LYN: variants seen among roughly 807,000 people sequenced by gnomAD.
The protein encoded by LYN is LYN proto-oncogene, Src family tyrosine kinase, also known as tyrosine-protein kinase Lyn.
In LYN, 12 loss-of-function variants were observed where a neutral mutation model predicts 65.0. That is an observed-to-expected ratio of 0.18 (90% CI 0.12 to 0.30). The LOEUF is 0.30. Among genes scored for constraint, LYN ranks in the 10% least tolerant of loss-of-function variants. The pLI is 1.00. For missense variants in LYN, 380 were observed against 623.2 expected, an observed-to-expected ratio of 0.61 and a Z score of 4.16; for synonymous variants, 222 against 221.2, an observed-to-expected ratio of 1.00 and a Z score of -0.03.
chr8:56,008,526 A>T (rs1808735420), intron 12 of LYN, among the ~76,000 whole-genome samples: 2 of 152,254 alleles, frequency 1.3e-5, no homozygotes, highest in African/African-American at 4.8e-5. Flanking sequence ...GTGTGGATAG[A>T]TACTGCTAGA....
At chr8:55,905,272 C>T (rs755200531) in intron 1 of LYN, among the ~76,000 whole-genome samples, 13 of 151,976 alleles carry the variant, frequency 8.6e-5, no homozygotes, top group East Asian at 3.9e-4. Context: ...ATTAGCCAGG[C>T]GTGGTGGCAG....
chr8:55,920,009 C>T (rs1408604304), intron 1 of LYN, among the ~76,000 whole-genome samples: 1 of 152,218 alleles, frequency 6.6e-6, no homozygotes, highest in Non-Finnish European at 1.5e-5. Flanking sequence ...CAGAATTCCT[C>T]ATTTTTTACT....
intron 8 of LYN, among the ~76,000 whole-genome samples, chr8:55,958,531 G>A (rs139173403): frequency 2.0e-5 from 3 of 152,022 alleles, no homozygotes; most frequent in African/African-American, 7.2e-5. Flanking sequence ...GTTCAGTAGT[G>A]TTAAATGCAT....
At chr8:56,001,575 C>T (rs1449805456) in intron 12 of LYN, among the ~76,000 whole-genome samples, 1 of 152,104 alleles carries the variant, frequency 6.6e-6, no homozygotes, top group Admixed American at 6.5e-5. Flanking sequence ...CCTTTAGTGC[C>T]AGCATTTCAT....
chr8:55,989,297 T>G (rs1366392620), intron 10 of LYN, among the ~76,000 whole-genome samples: 3 of 152,194 alleles, frequency 2.0e-5, no homozygotes, highest in Non-Finnish European at 4.4e-5. Flanking sequence ...TTATTTGAGC[T>G]CTGCTTGGAT....
At chr8:55,898,053 T>C (rs900102366) in intron 1 of LYN, among the ~76,000 whole-genome samples, 3 of 152,220 alleles carry the variant, frequency 2.0e-5, no homozygotes, top group Non-Finnish European at 4.4e-5. Context: ...TATATAGCTC[T>C]ATGAATTTTA....
intron 1 of LYN, among the ~76,000 whole-genome samples, chr8:55,931,113 GTA>G (rs893283724): frequency 6.8e-5 from 10 of 147,022 alleles, no homozygotes; most frequent in Admixed American, 6.1e-4. Context: ...TATATAACTT[GTA>G]TATGTTACTT....
intron 10 of LYN, among the ~76,000 whole-genome samples, chr8:55,973,536 A>G (rs1807666562): frequency 6.6e-6 from 1 of 152,252 alleles, no homozygotes; most frequent in South Asian, 2.1e-4. Flanking sequence ...AAGAAAAATG[A>G]ACTTGGAAAG....
intron 8 of LYN, among the ~76,000 whole-genome samples, chr8:55,954,849 A>AATAAATAG (rs1807060245): frequency 6.8e-6 from 1 of 145,986 alleles, no homozygotes. Flanking sequence ...TAAATAAATA[A>AATAAATAG]ATAAATAAAT....
chr8:55,971,198 G>A (rs532846479), intron 10 of LYN, among the ~76,000 whole-genome samples: 2 of 152,352 alleles, frequency 1.3e-5, no homozygotes, highest in East Asian at 3.9e-4. Context: ...AGAGGGGCAA[G>A]GAAAGGACCC....
At chr8:55,983,002 C>G (rs977678472) in intron 10 of LYN, among the ~76,000 whole-genome samples, 18 of 152,106 alleles carry the variant, frequency 1.2e-4, no homozygotes, top group Non-Finnish European at 2.6e-4. Context: ...GCCCCTCCCC[C>G]ATGTCACACG....
intron 11 of LYN, among the ~76,000 whole-genome samples, chr8:55,998,830 C>T (rs141596743): frequency 7.4e-4 from 112 of 152,254 alleles, no homozygotes; most frequent in African/African-American, 2.6e-3. Flanking sequence ...ATATAATATA[C>T]GGGGCTGTGG....
chr8:55,955,379 G>T (rs1807078171), intron 8 of LYN: 1 of 150,504 alleles, frequency 6.6e-6, no homozygotes, highest in Admixed American at 6.6e-5. Context: ...GCATGTGTCA[G>T]AACTGGCTGG....
intron 1 of LYN, among the ~76,000 whole-genome samples, chr8:55,919,874 T>G (rs1805895439): frequency 6.7e-6 from 1 of 149,142 alleles, no homozygotes; most frequent in African/African-American, 2.5e-5. Context: ...GGCAACTTTA[T>G]AATTCTTTGT....
chr8:55,891,897 C>T lies in LYN; in HGVS notation c.-6+11794C>T, dbSNP rs1047189419. 6.6e-4 allele frequency among the ~76,000 whole-genome samples: 100 copies of T among 152,116 alleles called. 5 individuals are homozygous for T. Among genetic ancestry groups the T allele is most frequent in the Non-Finnish European group, 4.4e-5 (3 of 68,038 alleles). Reference sequence around the variant, plus strand: ...AGAGGACAGGATCTTTACTCTTCGTCATTTAATACATGGCCACGTGGATTG... The same window carrying T: ...AGAGGACAGGATCTTTACTCTTCGTTATTTAATACATGGCCACGTGGATTG... On this transcript the variant is annotated intron_variant, in intron 1 of 12. Transcript: ENST00000519728.
At chr8:56,004,733 TTAAG>T (rs892634867) in intron 12 of LYN, among the ~76,000 whole-genome samples, 6 of 152,126 alleles carry the variant, frequency 3.9e-5, no homozygotes, top group African/African-American at 1.5e-4. Context: ...TATCTCTTAA[TTAAG>T]TTTTTTCCAC....
At chr8:55,898,195 G>A (rs1248829225) in intron 1 of LYN, among the ~76,000 whole-genome samples, 1 of 151,948 alleles carries the variant, frequency 6.6e-6, no homozygotes, top group African/African-American at 2.4e-5. Flanking sequence ...CCTGTTGTCT[G>A]TCCCCATTGT....
chr8:55,907,881 T>G (rs1322214068), intron 1 of LYN, among the ~76,000 whole-genome samples: 1 of 151,956 alleles, frequency 6.6e-6, no homozygotes, highest in Non-Finnish European at 1.5e-5. Flanking sequence ...AATAAGTAAG[T>G]AGTTTAAATA....
intron 10 of LYN, among the ~76,000 whole-genome samples, chr8:55,985,500 C>T (rs1417363459): frequency 6.6e-6 from 1 of 152,192 alleles, no homozygotes; most frequent in Non-Finnish European, 1.5e-5. Context: ...TTACAGATTT[C>T]CTTTAAGTTT....
Sources: gnomAD v4.1 joint callset for allele counts (sites outside exome capture counted in the v4.1 genomes callset) on GRCh38, gnomAD v4.1.1 for gene constraint, MANE v1.5 for transcripts, NCBI Gene and HGNC (gene_info 2026-07-23, HGNC 2026-07-21) for gene names.